The following PTCHD4 variants were observed in gnomAD, a reference collection of about 807,000 sequenced individuals.
PTCHD4 encodes patched domain-containing protein 4.
In PTCHD4, 33 loss-of-function variants were observed where a neutral mutation model predicts 58.1. The observed-to-expected ratio is 0.57, with a 90% CI of 0.43 to 0.76. The LOEUF (loss-of-function observed/expected upper bound fraction) is 0.76, where lower values mean the gene tolerates loss of function less well. Ranked by LOEUF, PTCHD4 falls within the 30% of genes least tolerant of loss-of-function variation. PTCHD4 has a pLI of 0.00. For missense variants in PTCHD4, 1,058 were observed against 1,027.1 expected, an observed-to-expected ratio of 1.03 and a Z score of -0.41; for synonymous variants, 478 against 409.6, an observed-to-expected ratio of 1.17 and a Z score of -2.02.
intron 4 of PTCHD4, among the ~76,000 whole-genome samples, chr6:47,920,136 C>T (rs1014495867): frequency 1.3e-5 from 2 of 152,058 alleles, no homozygotes; most frequent in South Asian, 4.2e-4. Flanking sequence ...CCTAAGCTGA[C>T]TAACACAGAC....
intron 3 of PTCHD4, among the ~76,000 whole-genome samples, chr6:48,040,081 A>T (rs996581750): frequency 1.3e-5 from 2 of 152,072 alleles, no homozygotes; most frequent in Non-Finnish European, 2.9e-5. Flanking sequence ...AGAATGGGCA[A>T]CCTTTAAGGT....
At chr6:48,103,603 T>C (rs1765655637) in intron 1 of PTCHD4, among the ~76,000 whole-genome samples, 1 of 152,128 alleles carries the variant, frequency 6.6e-6, no homozygotes, top group African/African-American at 2.4e-5. Context: ...GGATGGAGAA[T>C]GACTTTGACG....
intron 3 of PTCHD4, among the ~76,000 whole-genome samples, chr6:48,065,236 T>C (rs1313780206): frequency 6.6e-6 from 1 of 152,180 alleles, no homozygotes; most frequent in Non-Finnish European, 1.5e-5. Context: ...ACCTGCTTCT[T>C]TAATGTCAAG....
At chr6:48,100,255 T>C (rs1384779460) in intron 1 of PTCHD4, among the ~76,000 whole-genome samples, 18 of 152,158 alleles carry the variant, frequency 1.2e-4, no homozygotes. Context: ...TATCTTCAAA[T>C]ATGTATTAAA....
intron 4 of PTCHD4, among the ~76,000 whole-genome samples, chr6:47,976,156 T>C (rs1333351912): frequency 1.3e-5 from 2 of 152,182 alleles, no homozygotes; most frequent in East Asian, 1.9e-4. Context: ...TTAGGTATGA[T>C]TTAGCAGCTA....
intron 3 of PTCHD4, among the ~76,000 whole-genome samples, chr6:48,058,440 C>T (rs565572211): frequency 1.4e-3 from 216 of 152,004 alleles, no homozygotes; most frequent in Middle Eastern, 3.4e-3. Flanking sequence ...TATAGATGAC[C>T]GAGACACTGA....
At chr6:47,896,377 G>A (rs957107899) in intron 4 of PTCHD4, among the ~76,000 whole-genome samples, 1 of 152,148 alleles carries the variant, frequency 6.6e-6, no homozygotes, top group Non-Finnish European at 1.5e-5. Flanking sequence ...TAAGTTTACT[G>A]AGTCTATGAA....
At chr6:48,053,543 T>A (rs766500227) in intron 3 of PTCHD4, among the ~76,000 whole-genome samples, 1 of 152,144 alleles carries the variant, frequency 6.6e-6, no homozygotes. Context: ...GTTTTAATAT[T>A]TTACTTCATT....
At chr6:47,999,682 C>T (rs910181162) in intron 4 of PTCHD4, among the ~76,000 whole-genome samples, 2 of 152,112 alleles carry the variant, frequency 1.3e-5, no homozygotes, top group South Asian at 4.1e-4. Context: ...CCCACAGAAT[C>T]CATGAACATA....
intron 1 of PTCHD4, among the ~76,000 whole-genome samples, chr6:48,071,945 G>A (rs1446427790): frequency 6.6e-6 from 1 of 152,170 alleles, no homozygotes; most frequent in Non-Finnish European, 1.5e-5. Flanking sequence ...TTTTTGGGAC[G>A]AAGAACAGAA....
chr6:47,988,785 C>T (rs145278161), intron 4 of PTCHD4, among the ~76,000 whole-genome samples: 2 of 152,270 alleles, frequency 1.3e-5, no homozygotes, highest in African/African-American at 4.8e-5. Context: ...AATTAAACCT[C>T]TTTTTTTCCC....
intron 4 of PTCHD4, among the ~76,000 whole-genome samples, chr6:48,005,081 G>T (rs546636903): frequency 6.6e-6 from 1 of 152,100 alleles, no homozygotes; most frequent in Non-Finnish European, 1.5e-5. Flanking sequence ...TATAAAAATT[G>T]TCACTGGCTT....
At chr6:47,881,738 C>T (rs951530390) in intron 4 of PTCHD4, among the ~76,000 whole-genome samples, 4 of 152,134 alleles carry the variant, frequency 2.6e-5, no homozygotes, top group African/African-American at 9.7e-5. Context: ...TTTAAAGACA[C>T]ATTGGCCAAA....
In PTCHD4 at chr6:47,877,462, T is replaced by A. The variant is rs1581811062; in HGVS notation, c.*841A>T. On this transcript the variant is annotated 3_prime_UTR_variant, in exon 5 of 5. Transcript: ENST00000339488. ...ATTTCTAATATGAAACAGTAAACCTTGTCCATGTGGTAATTAATTCAAATG... is the reference window on the plus strand; with the variant it reads ...ATTTCTAATATGAAACAGTAAACCTAGTCCATGTGGTAATTAATTCAAATG... 6.6e-6 allele frequency among the ~76,000 whole-genome samples: 1 copy of A among 152,066 alleles called. No individual in the cohort carries two copies. Among genetic ancestry groups the A allele is most frequent in the East Asian group, 1.9e-4 (1 of 5,168 alleles).
intron 3 of PTCHD4, among the ~76,000 whole-genome samples, chr6:48,051,862 G>A (rs1300811162): frequency 1.3e-5 from 2 of 151,950 alleles, no homozygotes; most frequent in African/African-American, 4.8e-5. Context: ...TCTTGAGGAG[G>A]CTGAATCTGA....
intron 3 of PTCHD4, among the ~76,000 whole-genome samples, chr6:48,019,022 C>A (rs555009794): frequency 3.7e-4 from 56 of 152,192 alleles, no homozygotes; most frequent in Non-Finnish European, 7.1e-4. Flanking sequence ...AACATTAACA[C>A]CTTTGACTGG....
chr6:47,927,799 T>A (rs1321696997), intron 4 of PTCHD4, among the ~76,000 whole-genome samples: 1 of 151,918 alleles, frequency 6.6e-6, no homozygotes, highest in African/African-American at 2.4e-5. Flanking sequence ...TTATTATTAT[T>A]TTTTGTAGAG....
chr6:47,978,857 C>T (rs919118059), intron 4 of PTCHD4, among the ~76,000 whole-genome samples: 2 of 152,092 alleles, frequency 1.3e-5, no homozygotes, highest in Non-Finnish European at 2.9e-5. Flanking sequence ...ACAGACTCAT[C>T]CTCTGTTCCT....
chr6:48,077,202 G>A (rs1765077232), intron 1 of PTCHD4, among the ~76,000 whole-genome samples: 1 of 152,194 alleles, frequency 6.6e-6, no homozygotes, highest in Non-Finnish European at 1.5e-5. Flanking sequence ...TTTAGCACAG[G>A]TGGAATAGAT....
Sources: gnomAD v4.1 joint callset for allele counts (sites outside exome capture counted in the v4.1 genomes callset) on GRCh38, gnomAD v4.1.1 for gene constraint, MANE v1.5 for transcripts, NCBI Gene and HGNC (gene_info 2026-07-23, HGNC 2026-07-21) for gene names.